Variants in CCT8 observed in about 807,000 individuals in gnomAD.
CCT8 encodes T-complex protein 1 subunit theta.
In CCT8, 10 loss-of-function variants were observed where a neutral mutation model predicts 65.7. The ratio of observed to expected loss-of-function variants is 0.15; its 90% confidence interval spans 0.09 to 0.26. The LOEUF (loss-of-function observed/expected upper bound fraction) is 0.26. CCT8 is among the 10% of genes least tolerant of loss of function. The pLI is 1.00. For synonymous variants in CCT8, 199 were observed against 221.8 expected (o/e 0.90, Z 0.92); for missense variants, 568 against 669.1 (o/e 0.85, Z 1.67).
Position 29,067,419 on chromosome 21 carries a change from G to A in CCT8, c.381+137C>T, listed in dbSNP as rs563083360. ...AAATGATACAGCATGTGAAGCATAT[G>A]TACTATAATGGCTGGTACAGAGCAA... On this transcript the variant is annotated intron_variant, in intron 4 of 14. Transcript: ENST00000286788. 19 of 568,328 alleles carry A rather than the reference G, an allele frequency of 3.3e-5. No homozygotes were observed. In the South Asian group the frequency reaches 6.4e-4, roughly 19 times the overall value. 35.2% of individuals were successfully genotyped at this position (568,328 alleles called of 1,614,324 possible).
chr21:29,072,533 G>A (rs1313827905), intron 1 of CCT8, among the ~76,000 whole-genome samples: 1 of 152,112 alleles, frequency 6.6e-6, no homozygotes, highest in African/African-American at 2.4e-5. Context: ...ATTTTCAAAA[G>A]ATTATTCCAC....
chr21:29,067,300 A>G (rs1325448661), intron 4 of CCT8, among the ~76,000 whole-genome samples: 2 of 152,160 alleles, frequency 1.3e-5, no homozygotes, highest in Non-Finnish European at 2.9e-5. Context: ...AGATTTTTCT[A>G]ATTTTAGTCT....
intron 6 of CCT8, 44 bp from the exon 7 acceptor site, chr21:29,065,149 A>C (rs2085607838): frequency 6.3e-7 from 1 of 1,595,678 alleles, no homozygotes; most frequent in Non-Finnish European, 8.6e-7. Context: ...TCCTGAAAAT[A>C]ACATTACGGT....
At chr21:29,061,187 T>G (rs2085558957) in intron 13 of CCT8, 66 bp downstream of exon 13, 1 of 1,236,664 alleles carries the variant, frequency 8.1e-7, no homozygotes, top group African/African-American at 1.5e-5. Flanking sequence ...TCTTTTAAAC[T>G]CATACTATTT....
rs771085615 is a variant in CCT8 at position 29,062,329 on chromosome 21, A to G, written c.1095T>C (p.His365=). The change falls in exon 10 of 15, where the codon CAT becomes CAC. Residue 365 remains histidine, a splice_region_variant and synonymous_variant. Transcript: ENST00000286788. ...VGDTQVVVFK[H]EKEDGAISTI... Reference sequence around the variant, plus strand: ...ACATGTTTTACCATTCCTACATACCATGCTTAAAAACCACCACCTGAGTAT... The same window carrying G: ...ACATGTTTTACCATTCCTACATACCGTGCTTAAAAACCACCACCTGAGTAT... The G allele has an allele frequency of 6.2e-7, 1 of 1,612,570 alleles. No individual in the cohort carries two copies. Among genetic ancestry groups the G allele is most frequent in the Admixed American group, 1.7e-5 (1 of 60,034 alleles).
At chr21:29,062,890 G>A (rs1162345931) in intron 8 of CCT8, 2 of 357,466 alleles carry the variant, frequency 5.6e-6, no homozygotes, top group Admixed American at 8.9e-5. Flanking sequence ...ACAGCATATA[G>A]AAAATTTTTG....
At chr21:29,061,668 A>T in intron 11 of CCT8, 101 bp from the exon 12 acceptor site, 10 of 1,149,956 alleles carry the variant, frequency 8.7e-6, no homozygotes, top group Non-Finnish European at 1.0e-5. Flanking sequence ...GTACCCCACC[A>T]AACAGGAGTT....
At chr21:29,070,379 G>T in intron 1 of CCT8, 42 bp from the exon 2 acceptor site, 1 of 1,270,370 alleles carries the variant, frequency 7.9e-7, no homozygotes, top group Non-Finnish European at 1.1e-6. Context: ...AATTAGACAG[G>T]ACAGTGAAAC....
At chr21:29,068,214 GATTTA>G (rs1231586575) in intron 3 of CCT8, among the ~76,000 whole-genome samples, 7 of 151,990 alleles carry the variant, frequency 4.6e-5, no homozygotes, top group African/African-American at 9.7e-5. Context: ...TTATTCTTAG[GATTTA>G]ATTTTAGATA....
chr21:29,069,526 G>C, intron 2 of CCT8, 24 bp from the exon 3 acceptor site: 1 of 1,387,226 alleles, frequency 7.2e-7, no homozygotes, highest in Non-Finnish European at 9.8e-7. Flanking sequence ...GTTAAAAAAA[G>C]AAAAAGAAAG....
intron 14 of CCT8, chr21:29,059,577 C>G (rs572961470): frequency 6.6e-6 from 1 of 152,190 alleles, no homozygotes; most frequent in South Asian, 2.1e-4. Context: ...TAGCCACATT[C>G]TAATTTCTAG....
At chr21:29,073,450 T>C (rs917925222) in intron 1 of CCT8, 81 bp downstream of exon 1, 211 of 1,606,884 alleles carry the variant, frequency 1.3e-4, no homozygotes, top group Non-Finnish European at 1.6e-4. Flanking sequence ...GCTCAGCCCG[T>C]TAGTAGGCCC....
At position 29,063,677 on chromosome 21, in the gene CCT8, T is replaced by TA. The variant is rs1171126530; in HGVS notation, c.763-148dup. ...TATATTATGAAGCAGCAGAATACTG[T>TA]ATGTGTGAAATAGAAACTCAGCTTG... On this transcript the variant is annotated intron_variant, in intron 7 of 14. Coordinates refer to ENST00000286788, the MANE Select transcript of CCT8 (RefSeq NM_006585.4). 7.8e-5 allele frequency: 56 copies of TA among 716,576 alleles called. No individual in the cohort carries two copies. In the South Asian group the frequency reaches 8.3e-4, roughly 11 times the overall value. 44.4% of individuals were successfully genotyped at this position (716,576 alleles called of 1,614,324 possible).
In CCT8 at chr21:29,067,662, A is replaced by C; in HGVS notation, c.275T>G (p.Met92Arg). The change falls in exon 4 of 15, where the codon ATG becomes AGG. Residue 92 changes from methionine to arginine, a missense_variant. By Grantham distance (91) the Met-to-Arg change is moderately conservative. Coordinates refer to ENST00000286788, the MANE Select transcript of CCT8 (RefSeq NM_006585.4). ...AAKMIVMASH[M>R]QEQEVGDGTN... is the part of the protein sequence containing the mutation. Reference sequence around the variant, plus strand: ...GCCATCTCCAACTTCTTGCTCTTGCATATGAGAAGCCATTACAATCATTTT... The same window carrying C: ...GCCATCTCCAACTTCTTGCTCTTGCCTATGAGAAGCCATTACAATCATTTT... The C allele has an allele frequency of 7.3e-7, 1 of 1,372,336 alleles. No individual in the cohort carries two copies. Among genetic ancestry groups the C allele is most frequent in the Non-Finnish European group, 9.5e-7 (1 of 1,057,840 alleles). The allele number at this position is 1,372,336 out of a possible 1,614,324, so 85.0% of individuals were successfully genotyped here.
chr21:29,062,470 G>A lies in CCT8; in HGVS notation c.1008+20C>T, dbSNP rs1195606620. The A allele has an allele frequency of 3.1e-6, 5 of 1,612,596 alleles. No individual in the cohort carries two copies. The highest frequency in any genetic ancestry group is 4.2e-6 in the Non-Finnish European group (5 of 1,178,786). On this transcript the variant is annotated intron_variant, in intron 9 of 14. Coordinates refer to ENST00000286788, the MANE Select transcript of CCT8 (RefSeq NM_006585.4). ...TTCCATCTTGTTCAACTATCTTTTA[G>A]TGTTTTCCAAAATACATACCAATCT...
rs768735474 is a variant in CCT8 at position 29,062,548 on chromosome 21, G to A, written c.950C>T (p.Ser317Leu). ...KYNIMLVRLN[S>L]KWDLRRLCKT... is the part of the protein sequence containing the mutation. ...ACAAAGTCTTCGGAGATCCCATTTTGAGTTTAGCCTTTAAAAAACACAAAG... is the reference window on the plus strand; with the variant it reads ...ACAAAGTCTTCGGAGATCCCATTTTAAGTTTAGCCTTTAAAAAACACAAAG... Residue 317 changes from serine to leucine, a missense_variant, in exon 9 of 15, where the codon TCA (serine) becomes TTA (leucine). Physicochemically the swap from Ser to Leu is moderately radical, Grantham distance 145 (BLOSUM62 -2). Coordinates refer to ENST00000286788, the MANE Select transcript of CCT8 (RefSeq NM_006585.4). 2 of 1,613,146 alleles carry A rather than the reference G, an allele frequency of 1.2e-6. No homozygotes were observed. The highest frequency in any genetic ancestry group is 1.7e-6 in the Non-Finnish European group (2 of 1,179,470).
At chr21:29,061,189 A>G (rs750304763) in intron 13 of CCT8, 64 bp downstream of exon 13, 238 of 1,252,630 alleles carry the variant, frequency 1.9e-4, no homozygotes, top group Non-Finnish European at 2.7e-4. Context: ...TTTTAAACTC[A>G]TACTATTTTT....
At chr21:29,073,372 G>A in intron 1 of CCT8, 159 bp downstream of exon 1, 8 of 1,446,340 alleles carry the variant, frequency 5.5e-6, no homozygotes, top group South Asian at 2.8e-5. Context: ...TCCGGTGGCC[G>A]AGCCCTTCCA....
intron 3 of CCT8, among the ~76,000 whole-genome samples, chr21:29,068,621 G>A (rs2085649847): frequency 6.6e-6 from 1 of 151,908 alleles, no homozygotes; most frequent in Non-Finnish European, 1.5e-5. Flanking sequence ...CACCACGCCC[G>A]GCTGATTTTG....
Sources: allele counts gnomAD v4.1 joint callset (sites outside exome capture counted in the v4.1 genomes callset), GRCh38; gene constraint gnomAD v4.1.1; transcripts MANE v1.5; gene names NCBI Gene and HGNC (gene_info 2026-07-23, HGNC 2026-07-21).